The following ROBO1 variants were observed in gnomAD, a reference collection of about 807,000 sequenced individuals.
The protein encoded by ROBO1 is roundabout homolog 1.
In ROBO1, 149 loss-of-function variants were observed where a neutral mutation model predicts 195.9. The ratio of observed to expected loss-of-function variants is 0.76; its 90% CI spans 0.67 to 0.87. The LOEUF is 0.87. ROBO1 is among the 40% of genes least tolerant of loss of function. ROBO1 has a pLI of 0.00. For synonymous variants in ROBO1, 816 were observed against 733.2 expected (o/e 1.11, Z -1.82); for missense variants, 1,933 against 2,068.3 (o/e 0.93, Z 1.27).
intron 1 of ROBO1, among the ~76,000 whole-genome samples, chr3:79,629,222 C>T (rs1945267811): frequency 6.6e-6 from 1 of 152,074 alleles, no homozygotes; most frequent in Non-Finnish European, 1.5e-5. Flanking sequence ...GCACATGGAG[C>T]ATTCCCTTAA....
chr3:79,421,813 T>A (rs183519781), intron 2 of ROBO1, among the ~76,000 whole-genome samples: 1 of 152,158 alleles, frequency 6.6e-6, no homozygotes, highest in East Asian at 1.9e-4. Context: ...ACTAATGTTG[T>A]TGTTGTTGCT....
chr3:78,617,859 T>G lies in ROBO1; in HGVS notation c.4058A>C (p.Gln1353Pro), dbSNP rs764460045. The G allele has an allele frequency of 6.2e-6, 10 of 1,613,994 alleles. No homozygotes were observed. Among genetic ancestry groups the G allele is most frequent in the Non-Finnish European group, 5.9e-6 (7 of 1,179,896 alleles). ...GTCCCCAACACTGGAGGCAGGTGTC[T>G]GCTCAAGCCCACGTAACAAAAGCCT... is the stretch of plus-strand genomic sequence containing the variant. ...TRRLLLRGLE[Q>P]TPASSVGDLE... Residue 1353 changes from glutamine (Q) to proline (P), a missense_variant, in exon 27 of 31, where the codon CAG becomes CCG. Gln to Pro is a moderately conservative substitution (Grantham distance 76, BLOSUM62 -1). Around this residue, in one of 3 missense-constraint regions of ROBO1, gnomAD observed 1,737 missense variants for 1,882.5 expected, o/e 0.92. Coordinates refer to ENST00000464233, the MANE Select transcript of ROBO1 (RefSeq NM_002941.4).
In ROBO1 at chr3:79,116,262, C is replaced by T. The variant is rs2079992215; in HGVS notation, c.172+9194G>A. Among the ~76,000 whole-genome samples, 12 of 151,384 alleles carry T rather than the reference C, an allele frequency of 7.9e-5. No homozygotes were observed. The South Asian group carries it at 2.5e-3, about 32-fold the overall frequency. On this transcript the variant is annotated intron_variant, in intron 3 of 30. Transcript: ENST00000464233. The stretch of plus-strand genomic sequence containing the variant: ...CTGTATAATTTAATCTCTTTCTTTC[C>T]CTTCCTTCCTTCCTTTCTTTTCTTT...
At chr3:79,258,632 A>C (rs2082881763) in intron 2 of ROBO1, among the ~76,000 whole-genome samples, 1 of 152,164 alleles carries the variant, frequency 6.6e-6, no homozygotes, top group African/African-American at 2.4e-5. Flanking sequence ...GAATTTCCCC[A>C]GAAATTAATC....
chr3:79,461,354 T>G (rs1395325236), intron 2 of ROBO1, among the ~76,000 whole-genome samples: 2 of 152,228 alleles, frequency 1.3e-5, no homozygotes, highest in African/African-American at 4.8e-5. Flanking sequence ...GTTCCCATCT[T>G]GGCCTTTTGC....
intron 2 of ROBO1, among the ~76,000 whole-genome samples, chr3:79,223,913 C>T (rs909375724): frequency 1.3e-5 from 2 of 152,066 alleles, no homozygotes; most frequent in Non-Finnish European, 2.9e-5. Flanking sequence ...TTCATATAGC[C>T]AATATATTCT....
At position 79,629,913 on chromosome 3, in the gene ROBO1, A is replaced by G. The variant is rs1253344508; in HGVS notation, c.-50-39952T>C. 3.3e-5 allele frequency among the ~76,000 whole-genome samples: 5 copies of G among 151,946 alleles called. No individual in the cohort carries two copies. The East Asian group carries it at 9.6e-4, about 29-fold the overall frequency. On this transcript the variant is annotated intron_variant, in intron 1 of 30. Coordinates refer to ENST00000464233, the MANE Select transcript of ROBO1 (RefSeq NM_002941.4). ...CTACTAGAAATAAAGTTTTTAAAAC[A>G]TGCAACCTCTCAATATTGAACCAAG...
intron 2 of ROBO1, among the ~76,000 whole-genome samples, chr3:79,544,453 C>G (rs2107651433): frequency 6.6e-6 from 1 of 151,882 alleles, no homozygotes; most frequent in African/African-American, 2.4e-5. Context: ...AAATTGTCTT[C>G]AAAACTGATT....
At chr3:78,817,313 A>AT (rs1235547915) in intron 4 of ROBO1, among the ~76,000 whole-genome samples, 1 of 152,208 alleles carries the variant, frequency 6.6e-6, no homozygotes, top group Non-Finnish European at 1.5e-5. Flanking sequence ...GATTGTTTGC[A>AT]TTTTTTAGCA....
At chr3:79,511,432 G>C (rs1940699743) in intron 2 of ROBO1, among the ~76,000 whole-genome samples, 1 of 152,072 alleles carries the variant, frequency 6.6e-6, no homozygotes, top group South Asian at 2.1e-4. Flanking sequence ...TATTCTCGAA[G>C]GATATGCATT....
intron 3 of ROBO1, among the ~76,000 whole-genome samples, chr3:79,052,619 C>T (rs183278945): frequency 6.6e-5 from 10 of 152,174 alleles, no homozygotes; most frequent in African/African-American, 2.2e-4. Context: ...TGTGATGTCA[C>T]CCCCAGAGAC....
At chr3:78,754,550 C>T (rs1016387802) in intron 4 of ROBO1, among the ~76,000 whole-genome samples, 4 of 152,104 alleles carry the variant, frequency 2.6e-5, no homozygotes, top group African/African-American at 9.7e-5. Context: ...TTGTGATTAT[C>T]CCCTAGTATT....
At position 79,640,531 on chromosome 3, in the gene ROBO1, C is replaced by T. The variant is rs77661168; in HGVS notation, c.-50-50570G>A. Among the ~76,000 whole-genome samples, 188 of 152,164 alleles carry T rather than the reference C, an allele frequency of 1.2e-3. 4 individuals are homozygous for T. The East Asian group carries it at 0.031, about 25-fold the overall frequency. The stretch of plus-strand genomic sequence containing the variant: ...TGGGTGGTCTAATTTTACTTATAAC[C>T]GACTTCAGTCCGGCTGTCAGTGATC... On this transcript the variant is annotated intron_variant, in intron 1 of 30. Coordinates refer to ENST00000464233, the MANE Select transcript of ROBO1 (RefSeq NM_002941.4).
intron 1 of ROBO1, among the ~76,000 whole-genome samples, chr3:79,720,927 G>C (rs890865159): frequency 1.3e-5 from 2 of 151,934 alleles, no homozygotes; most frequent in Non-Finnish European, 2.9e-5. Context: ...CGAGTAGCTG[G>C]GACTACAGGC....
chr3:79,049,719 C>T (rs1376712129), intron 3 of ROBO1, among the ~76,000 whole-genome samples: 1 of 152,118 alleles, frequency 6.6e-6, no homozygotes, highest in East Asian at 1.9e-4. Flanking sequence ...ACTCTACAAG[C>T]CAGAAGAGAG....
At chr3:79,454,941 C>T (rs1386132838) in intron 2 of ROBO1, among the ~76,000 whole-genome samples, 3 of 152,062 alleles carry the variant, frequency 2.0e-5, no homozygotes, top group African/African-American at 7.2e-5. Context: ...TGAATAGATG[C>T]CCATAGGCAA....
chr3:79,353,400 A>AACAC (rs10608740), intron 2 of ROBO1, among the ~76,000 whole-genome samples: 210 of 148,222 alleles, frequency 1.4e-3, no homozygotes, highest in African/African-American at 4.4e-3. Context: ...CACAGAAACA[A>AACAC]ACACACACAC....
intron 1 of ROBO1, among the ~76,000 whole-genome samples, chr3:79,621,145 C>T (rs184087989): frequency 3.0e-4 from 45 of 152,234 alleles, no homozygotes; most frequent in Admixed American, 7.2e-4. Flanking sequence ...CATCAGTCTC[C>T]GCAACTTACC....
At chr3:79,164,285 TA>T (rs546568217) in intron 2 of ROBO1, among the ~76,000 whole-genome samples, 45 of 152,284 alleles carry the variant, frequency 3.0e-4, no homozygotes, top group African/African-American at 9.9e-4. Flanking sequence ...AGTGAAAAAT[TA>T]GAGTACTAAT....
Sources: gnomAD v4.1 joint callset for allele counts (sites outside exome capture counted in the v4.1 genomes callset) on GRCh38, gnomAD v4.1.1 for gene constraint, gnomAD v4.1.1 regional missense constraint, MANE v1.5 for transcripts, NCBI Gene and HGNC (gene_info 2026-07-23, HGNC 2026-07-21) for gene names.